The following PCDHA3 variants were observed in gnomAD, a reference collection of about 807,000 sequenced individuals.
The protein encoded by PCDHA3 is protocadherin alpha 3.
A neutral mutation model predicts 62.2 loss-of-function variants in PCDHA3; 41 were observed. The observed-to-expected ratio is 0.66, with a 90% CI of 0.51 to 0.86. PCDHA3 has a LOEUF of 0.86. Among genes scored for constraint, PCDHA3 ranks in the 40% least tolerant of loss-of-function variants. The pLI is 0.00. For missense variants in PCDHA3, 1,304 were observed against 1,241.2 expected (o/e 1.05, Z -0.76); for synonymous variants, 640 against 555.4 (o/e 1.15, Z -2.14).
At chr5:140,994,157 G>A (rs958405989) in intron 3 of PCDHA3, among the ~76,000 whole-genome samples, 1 of 152,198 alleles carries the variant, frequency 6.6e-6, no homozygotes, top group Non-Finnish European at 1.5e-5. Context: ...TAGGGTCAAC[G>A]AAGGGGAAGG....
chr5:140,863,264 C>A (rs1432032847), intron 1 of PCDHA3: 2 of 1,454,796 alleles, frequency 1.4e-6, no homozygotes, highest in African/African-American at 1.4e-5. Context: ...GTCCGGGAGG[C>A]AGCGCTGGTG....
intron 1 of PCDHA3, among the ~76,000 whole-genome samples, chr5:140,838,466 C>T (rs1775745526): frequency 6.6e-6 from 1 of 151,588 alleles, no homozygotes; most frequent in South Asian, 2.1e-4. Context: ...TTCATTAGCG[C>T]TTATTCCTTG....
chr5:140,812,982 T>C, intron 1 of PCDHA3: 1 of 152,248 alleles, frequency 6.6e-6, no homozygotes, highest in Non-Finnish European at 1.5e-5. Context: ...TCTAGTTTTA[T>C]TCCACTGTGG....
chr5:140,869,089 C>T (rs141432478), intron 1 of PCDHA3: 5 of 1,588,880 alleles, frequency 3.1e-6, no homozygotes, highest in Non-Finnish European at 4.3e-6. Flanking sequence ...ATTTTGGAAG[C>T]CAATTTCGTA....
chr5:140,850,675 C>A (rs2150493362), intron 1 of PCDHA3: 3 of 1,598,470 alleles, frequency 1.9e-6, no homozygotes, highest in Non-Finnish European at 2.6e-6. Context: ...TCGGCGATGC[C>A]CACCGAGGGC....
At chr5:140,908,078 A>G (rs1047293736) in intron 1 of PCDHA3, among the ~76,000 whole-genome samples, 2 of 152,202 alleles carry the variant, frequency 1.3e-5, no homozygotes, top group Admixed American at 6.5e-5. Context: ...AAAGTGCACA[A>G]CCAGGTGCAC....
At chr5:140,808,999 C>T (rs17844283) in intron 1 of PCDHA3, 4 of 1,613,708 alleles carry the variant, frequency 2.5e-6, no homozygotes, top group South Asian at 2.2e-5. Context: ...CGGGCTACAA[C>T]GCGTGGCTTT....
At chr5:140,836,139 G>T (rs2150253761) in intron 1 of PCDHA3, 1 of 1,613,778 alleles carries the variant, frequency 6.2e-7, no homozygotes, top group Middle Eastern at 1.6e-4. Context: ...GCGGTCTGTG[G>T]GCGCGGGCCA....
rs538891766 is a variant in PCDHA3 at position 140,931,784 on chromosome 5, A to G, written c.2395-47165A>G. The stretch of plus-strand genomic sequence containing the variant: ...TTTACTTCTTCCTGTTCAATTACCT[A>G]TTGATCTGATCTTAATTCTTTAGAA... On this transcript the variant is annotated intron_variant, in intron 1 of 3. Transcript: ENST00000522353. Among the ~76,000 whole-genome samples, 13 of 152,080 alleles carry G rather than the reference A, an allele frequency of 8.5e-5. No homozygotes were observed. In the East Asian group the frequency reaches 1.9e-3, roughly 23 times the overall value.
chr5:140,811,615 A>G (rs2126630060), intron 1 of PCDHA3: 1 of 152,346 alleles, frequency 6.6e-6, no homozygotes, highest in South Asian at 2.1e-4. Flanking sequence ...CACTCCCACC[A>G]ACGGTGTAAA....
At chr5:140,943,718 C>G (rs2093552773) in intron 1 of PCDHA3, among the ~76,000 whole-genome samples, 1 of 152,020 alleles carries the variant, frequency 6.6e-6, no homozygotes, top group South Asian at 2.1e-4. Flanking sequence ...ATTTAAAGGT[C>G]TGAGAGAATG....
intron 1 of PCDHA3, chr5:140,876,539 C>G: frequency 6.2e-7 from 1 of 1,614,170 alleles, no homozygotes; most frequent in Non-Finnish European, 8.5e-7. Flanking sequence ...ACTTCACTGT[C>G]GCTCCCTGTG....
At chr5:140,818,484 A>T (rs1766371923) in intron 1 of PCDHA3, among the ~76,000 whole-genome samples, 1 of 152,164 alleles carries the variant, frequency 6.6e-6, no homozygotes, top group Non-Finnish European at 1.5e-5. Context: ...GTTTTCACTC[A>T]CTTGATCTTG....
intron 1 of PCDHA3, among the ~76,000 whole-genome samples, chr5:140,974,046 GATA>G (rs1554235775): frequency 6.6e-6 from 1 of 152,184 alleles, no homozygotes; most frequent in African/African-American, 2.4e-5. Context: ...TTATTAATAT[GATA>G]ATATTTGGAG....
chr5:140,956,194 A>G (rs1370463281), intron 1 of PCDHA3, among the ~76,000 whole-genome samples: 1 of 152,060 alleles, frequency 6.6e-6, no homozygotes, highest in Non-Finnish European at 1.5e-5. Flanking sequence ...GCTGAATAGG[A>G]GTGGTGAAAG....
At position 140,806,837 on chromosome 5, in the gene PCDHA3, C is replaced by A. The variant is rs1353545411; in HGVS notation, c.2394+3246C>A. The A allele has an allele frequency of 1.5e-5, 4 of 258,238 alleles. No individual in the cohort carries two copies. In the South Asian group the frequency reaches 3.6e-4, roughly 23 times the overall value. 16.0% of individuals were successfully genotyped at this position (258,238 alleles called of 1,614,324 possible). A position where few individuals can be genotyped will look rare whatever the true frequency, so the allele number is the denominator to read the frequency against. On this transcript the variant is annotated intron_variant, in intron 1 of 3. Transcript: ENST00000522353. ...TTGCCCCTATGGCGAAACTAAGGAC[C>A]ACACTCAATCAATCAGTGGTACAAT...
chr5:140,889,241 T>C (rs987868473), intron 1 of PCDHA3, among the ~76,000 whole-genome samples: 120 of 151,950 alleles, frequency 7.9e-4, no homozygotes, highest in African/African-American at 2.7e-3. Context: ...TCCAGAAAAT[T>C]TTCTGTTTCC....
At chr5:140,854,902 A>G (rs2043266382) in intron 1 of PCDHA3, among the ~76,000 whole-genome samples, 1 of 150,050 alleles carries the variant, frequency 6.7e-6, no homozygotes, top group African/African-American at 2.4e-5. Flanking sequence ...AAGCGTAAAT[A>G]TAACAGGGTT....
chr5:140,807,311 G>A, intron 1 of PCDHA3: 1 of 1,614,084 alleles, frequency 6.2e-7, no homozygotes, highest in Non-Finnish European at 8.5e-7. Context: ...GGCCAAACAC[G>A]GCACCTTCGT....
Sources: allele counts gnomAD v4.1 joint callset (sites outside exome capture counted in the v4.1 genomes callset), GRCh38; gene constraint gnomAD v4.1.1; transcripts MANE v1.5; gene names NCBI Gene and HGNC (gene_info 2026-07-23, HGNC 2026-07-21).